Variants in FANCC observed in about 807,000 individuals in gnomAD.
The protein encoded by FANCC is FA complementation group C, also known as Fanconi anemia group C protein.
A neutral mutation model predicts 71.3 loss-of-function variants in FANCC; 55 were observed. The observed-to-expected ratio is 0.77, with a 90% confidence interval of 0.62 to 0.97. FANCC has a LOEUF of 0.97. FANCC is among the 50% of genes least tolerant of loss of function. FANCC has a pLI of 0.00. For synonymous variants in FANCC, 275 were observed against 244.9 expected, an observed-to-expected ratio of 1.12 and a Z score of -1.15; for missense variants, 678 against 670.9, an observed-to-expected ratio of 1.01 and a Z score of -0.12.
At chr9:95,296,084 T>C (rs571569860) in intron 1 of FANCC, among the ~76,000 whole-genome samples, 8 of 152,344 alleles carry the variant, frequency 5.3e-5, no homozygotes, top group African/African-American at 7.2e-5. Flanking sequence ...TATATACTTA[T>C]CCACAAACTC....
intron 6 of FANCC, among the ~76,000 whole-genome samples, chr9:95,158,340 T>C (rs1359671318): frequency 6.6e-6 from 1 of 152,152 alleles, no homozygotes; most frequent in Non-Finnish European, 1.5e-5. Flanking sequence ...TATTAATTAA[T>C]TTTAGATCTA....
chr9:95,169,574 C>T (rs1267915099), intron 6 of FANCC, among the ~76,000 whole-genome samples: 1 of 152,152 alleles, frequency 6.6e-6, no homozygotes. Flanking sequence ...GAAGAGAAGC[C>T]ACAAGCTGGG....
chr9:95,300,573 C>A (rs1184049242), intron 1 of FANCC, among the ~76,000 whole-genome samples: 1 of 152,038 alleles, frequency 6.6e-6, no homozygotes, highest in East Asian at 1.9e-4. Flanking sequence ...GCCTCAGCCT[C>A]CTGAGTAGCT....
At chr9:95,152,294 T>C (rs561330152) in intron 6 of FANCC, among the ~76,000 whole-genome samples, 35 of 152,348 alleles carry the variant, frequency 2.3e-4, no homozygotes, top group African/African-American at 8.4e-4. Context: ...AACAATATAA[T>C]GCCAGATGAT....
chr9:95,233,300 A>G (rs1432192341), intron 4 of FANCC, among the ~76,000 whole-genome samples: 2 of 152,220 alleles, frequency 1.3e-5, no homozygotes, highest in African/African-American at 2.4e-5. Flanking sequence ...ACTTAAAAGT[A>G]ATAAAAATAG....
intron 4 of FANCC, among the ~76,000 whole-genome samples, chr9:95,198,952 C>T (rs1257887741): frequency 2.0e-5 from 3 of 151,968 alleles, no homozygotes; most frequent in Non-Finnish European, 1.5e-5. Context: ...GTTGCCCAGG[C>T]TGGCCAGGAA....
chr9:95,175,554 G>A (rs1245908700), intron 4 of FANCC, among the ~76,000 whole-genome samples: 1 of 152,226 alleles, frequency 6.6e-6, no homozygotes, highest in East Asian at 1.9e-4. Flanking sequence ...TGTTGGTGGT[G>A]TTCTCTTCCA....
intron 6 of FANCC, among the ~76,000 whole-genome samples, chr9:95,165,753 C>T (rs571808049): frequency 1.6e-4 from 24 of 152,068 alleles, no homozygotes; most frequent in African/African-American, 5.3e-4. Flanking sequence ...GTATATTCTG[C>T]TGTTATTGGG....
Position 95,232,072 on chromosome 9 carries a change from G to T in FANCC, c.345+8577C>A, listed in dbSNP as rs150697579. 2.6e-4 allele frequency among the ~76,000 whole-genome samples: 40 copies of T among 152,280 alleles called. No individual in the cohort carries two copies. In the East Asian group the frequency reaches 7.1e-3, roughly 27 times the overall value. ...GCACTGCAGCATCTGCTTGGCTTCC[G>T]GGGAGGCCTCAGGAAACTTACAATC... On this transcript the variant is annotated intron_variant, in intron 4 of 14. Coordinates refer to ENST00000289081, the MANE Select transcript of FANCC (RefSeq NM_000136.3).
intron 14 of FANCC, among the ~76,000 whole-genome samples, chr9:95,106,162 G>T (rs921272805): frequency 2.0e-5 from 3 of 151,926 alleles, no homozygotes; most frequent in African/African-American, 7.2e-5. Flanking sequence ...CCATCCTGAT[G>T]GCTGTGCAGT....
At chr9:95,303,849 C>A (rs940686720) in intron 1 of FANCC, among the ~76,000 whole-genome samples, 1 of 152,196 alleles carries the variant, frequency 6.6e-6, no homozygotes, top group Admixed American at 6.5e-5. Context: ...ACCCTCTACT[C>A]TTCCTTAATT....
At chr9:95,249,036 G>T in intron 2 of FANCC, 91 bp downstream of exon 2, 3 of 1,396,170 alleles carry the variant, frequency 2.1e-6, no homozygotes, top group Non-Finnish European at 3.0e-6. Flanking sequence ...AATACCACAA[G>T]TCCCGATTCT....
chr9:95,117,409 T>A lies in FANCC; in HGVS notation c.997-19A>T. On this transcript the variant is annotated intron_variant, in intron 10 of 14. Transcript: ENST00000289081. ...ACCGCAGCTGCCACAGGATGGAAAA[T>A]CCAAAGAGCATGAACATTAAGATTG... The A allele has an allele frequency of 1.9e-6, 3 of 1,608,270 alleles. No homozygotes were observed. Among genetic ancestry groups the A allele is most frequent in the Non-Finnish European group, 2.6e-6 (3 of 1,175,930 alleles).
chr9:95,252,292 A>AG (rs1231353435), intron 1 of FANCC, among the ~76,000 whole-genome samples: 2 of 149,538 alleles, frequency 1.3e-5, no homozygotes, highest in Non-Finnish European at 3.0e-5. Flanking sequence ...AAAAAAAAAA[A>AG]AAGAAAAAAA....
At chr9:95,292,910 G>C (rs1340708050) in intron 1 of FANCC, 3 of 1,582,092 alleles carry the variant, frequency 1.9e-6, no homozygotes, top group African/African-American at 2.7e-5. Context: ...AGACCTTCCG[G>C]TGCACATGCG....
chr9:95,195,523 A>G (rs1375230546), intron 4 of FANCC, among the ~76,000 whole-genome samples: 1 of 152,176 alleles, frequency 6.6e-6, no homozygotes, highest in African/African-American at 2.4e-5. Context: ...TGCAGCTATC[A>G]CAGTAAAGAC....
chr9:95,102,224 G>A (rs985310945), intron 14 of FANCC, among the ~76,000 whole-genome samples: 3 of 152,196 alleles, frequency 2.0e-5, no homozygotes, highest in East Asian at 3.9e-4. Context: ...GCATGCTGTG[G>A]CTTGACTTTC....
At chr9:95,153,300 T>G (rs1405900577) in intron 6 of FANCC, among the ~76,000 whole-genome samples, 2 of 152,220 alleles carry the variant, frequency 1.3e-5, no homozygotes, top group African/African-American at 4.8e-5. Context: ...ACTGTGATGC[T>G]ATAAAAATAC....
chr9:95,215,382 G>A (rs1023370220), intron 4 of FANCC, among the ~76,000 whole-genome samples: 1 of 152,092 alleles, frequency 6.6e-6, no homozygotes, highest in African/African-American at 2.4e-5. Flanking sequence ...GATGGAGAGA[G>A]GGAGATAGGG....
Sources: allele counts gnomAD v4.1 joint callset (sites outside exome capture counted in the v4.1 genomes callset), GRCh38; gene constraint gnomAD v4.1.1; transcripts MANE v1.5; gene names NCBI Gene and HGNC (gene_info 2026-07-23, HGNC 2026-07-21).